TRPM7: variants seen among roughly 807,000 people sequenced by gnomAD.
The protein encoded by TRPM7 is LTRPC ion channel family member 7.
TRPM7 carries 134 observed loss-of-function variants against 229.7 expected under a neutral mutation model. The observed-to-expected ratio is 0.58, with a 90% CI of 0.51 to 0.67. The LOEUF is 0.67. TRPM7 is among the 30% of genes least tolerant of loss of function. The pLI, the probability that TRPM7 is intolerant of heterozygous loss-of-function variation, is 0.00. For synonymous variants in TRPM7, 699 were observed against 715.2 expected, an observed-to-expected ratio of 0.98 and a Z score of 0.36; for missense variants, 1,901 against 2,210.0, an observed-to-expected ratio of 0.86 and a Z score of 2.80.
At chr15:50,603,147 T>G (rs2059823631) in intron 21 of TRPM7, among the ~76,000 whole-genome samples, 1 of 152,128 alleles carries the variant, frequency 6.6e-6, no homozygotes, top group Non-Finnish European at 1.5e-5. Context: ...CCAGTTATTC[T>G]CAATTAAGGG....
At chr15:50,621,017 G>T (rs1195002975) in intron 12 of TRPM7, among the ~76,000 whole-genome samples, 1 of 151,954 alleles carries the variant, frequency 6.6e-6, no homozygotes, top group Non-Finnish European at 1.5e-5. Context: ...AAATTAGCCG[G>T]GCATGGTGGC....
At chr15:50,620,163 T>C (rs2060348162) in intron 12 of TRPM7, among the ~76,000 whole-genome samples, 1 of 152,216 alleles carries the variant, frequency 6.6e-6, no homozygotes, top group African/African-American at 2.4e-5. Context: ...ATTGAGACTT[T>C]AAATATTTTG....
intron 38 of TRPM7, among the ~76,000 whole-genome samples, chr15:50,567,320 CT>C (rs1201013442): frequency 1.3e-5 from 2 of 152,170 alleles, no homozygotes; most frequent in African/African-American, 4.8e-5. Flanking sequence ...AATGCTACCC[CT>C]GTCCCCTCCC....
chr15:50,618,612 T>TAAACAAAC (rs1384741437), intron 13 of TRPM7, among the ~76,000 whole-genome samples: 6 of 97,884 alleles, frequency 6.1e-5, no homozygotes, highest in African/African-American at 1.9e-4. Flanking sequence ...AATAAATAAA[T>TAAACAAAC]AAACGTATGT....
At chr15:50,602,687 T>C (rs1263396012) in intron 21 of TRPM7, among the ~76,000 whole-genome samples, 2 of 152,190 alleles carry the variant, frequency 1.3e-5, no homozygotes, top group Admixed American at 6.5e-5. Context: ...TTCATCTTTG[T>C]AGCCCCAGCT....
chr15:50,619,716 T>C (rs752309402), intron 13 of TRPM7, 29 bp downstream of exon 13: 2 of 1,536,484 alleles, frequency 1.3e-6, no homozygotes, highest in Non-Finnish European at 1.7e-6. Flanking sequence ...TAAAATAACA[T>C]TTTTCAAAAG....
chr15:50,639,413 A>C lies in TRPM7; in HGVS notation c.660+11T>G, dbSNP rs199829691. On this transcript the variant is annotated intron_variant, in intron 6 of 38. Coordinates refer to ENST00000646667, the MANE Select transcript of TRPM7 (RefSeq NM_017672.6). ...ATTTCAAACATAAGAAATTTTAAAA[A>C]TAATTCTTACATCTCTCCCAACAAG... is the stretch of plus-strand genomic sequence containing the variant. 9.3e-5 allele frequency: 145 copies of C among 1,560,916 alleles called. 1 individual carries two copies. Among genetic ancestry groups the C allele is most frequent in the African/African-American group, 2.7e-5 (2 of 73,424 alleles).
chr15:50,680,888 G>C (rs371154091), intron 1 of TRPM7, among the ~76,000 whole-genome samples: 2 of 152,220 alleles, frequency 1.3e-5, no homozygotes, highest in Non-Finnish European at 1.5e-5. Flanking sequence ...AGTGATTTTT[G>C]ATTCTCTGCT....
intron 15 of TRPM7, among the ~76,000 whole-genome samples, chr15:50,613,107 T>C (rs2060108728): frequency 6.6e-6 from 1 of 152,250 alleles, no homozygotes; most frequent in South Asian, 2.1e-4. Context: ...AAGGGTTAGA[T>C]AACATTTTTG....
chr15:50,604,801 A>T, intron 21 of TRPM7, 65 bp downstream of exon 21: 1 of 1,434,040 alleles, frequency 7.0e-7, no homozygotes, highest in Non-Finnish European at 9.4e-7. Context: ...TATGTTAATA[A>T]CATTTTTGTG....
chr15:50,625,309 A>G (rs1294961423), intron 11 of TRPM7, among the ~76,000 whole-genome samples: 1 of 152,198 alleles, frequency 6.6e-6, no homozygotes, highest in Non-Finnish European at 1.5e-5. Flanking sequence ...TCAGAGGTTT[A>G]ACACACAACT....
intron 21 of TRPM7, among the ~76,000 whole-genome samples, chr15:50,603,456 GC>G (rs962227964): frequency 7.5e-6 from 1 of 133,260 alleles, no homozygotes; most frequent in African/African-American, 2.9e-5. Context: ...CCCTCCCCCT[GC>G]CCCCCACCCC....
chr15:50,649,284 A>T (rs965865136), intron 3 of TRPM7, among the ~76,000 whole-genome samples: 6 of 152,094 alleles, frequency 3.9e-5, no homozygotes, highest in African/African-American at 7.2e-5. Context: ...AAAAAATTTT[A>T]AAAAATTAGG....
chr15:50,596,117 T>C (rs899341874), intron 23 of TRPM7, 138 bp downstream of exon 23: 38 of 459,228 alleles, frequency 8.3e-5, no homozygotes, highest in African/African-American at 7.8e-4. Flanking sequence ...CATCTCCTAT[T>C]TGTAATTTTT....
chr15:50,648,899 G>A lies in TRPM7; in HGVS notation c.123-14C>T, dbSNP rs759151105. 13 of 1,587,948 alleles carry A rather than the reference G, an allele frequency of 8.2e-6. No individual in the cohort carries two copies. The East Asian group carries it at 2.5e-4, about 30-fold the overall frequency. On this transcript the variant is annotated splice_polypyrimidine_tract_variant and intron_variant, in intron 3 of 38. Transcript: ENST00000646667. Reference sequence around the variant, plus strand: ...CCACAAAAACACCTAAAAGAAAAAGGTGAGATTAAAACACCCTTCAAAAAA... The same window carrying A: ...CCACAAAAACACCTAAAAGAAAAAGATGAGATTAAAACACCCTTCAAAAAA...
intron 21 of TRPM7, chr15:50,604,146 T>C (rs967039772): frequency 6.6e-6 from 1 of 152,110 alleles, no homozygotes; most frequent in Non-Finnish European, 1.5e-5. Context: ...TATAAAAAAA[T>C]TACACATTCA....
chr15:50,673,181 C>T (rs995831626), intron 1 of TRPM7, among the ~76,000 whole-genome samples: 1 of 152,174 alleles, frequency 6.6e-6, no homozygotes. Context: ...TCACCACTCA[C>T]TCACTGACTC....
intron 11 of TRPM7, among the ~76,000 whole-genome samples, chr15:50,625,380 C>T (rs891270690): frequency 3.9e-5 from 6 of 152,120 alleles, no homozygotes; most frequent in African/African-American, 1.2e-4. Flanking sequence ...CTTCGATTTA[C>T]ATCACCTAGC....
Position 50,663,045 on chromosome 15 carries a change from G to T in TRPM7, c.5C>A (p.Ser2Tyr). The change falls in exon 2 of 39, where the codon TCC becomes TAC. Residue 2 changes from serine (S) to tyrosine (Y), a missense_variant and splice_region_variant. By Grantham distance (144) the Ser-to-Tyr change is moderately radical. Transcript: ENST00000646667. ...AGTGCTTTCTATCCAGGATTTCTGGGACTAAAACAAAATGTTTTAAAGAAT... is the reference window on the plus strand; with the variant it reads ...AGTGCTTTCTATCCAGGATTTCTGGTACTAAAACAAAATGTTTTAAAGAAT... M[S>Y]QKSWIESTLT... is the part of the protein sequence containing the mutation. 1.2e-6 allele frequency: 2 copies of T among 1,610,582 alleles called. No homozygotes were observed. Among genetic ancestry groups the T allele is most frequent in the Non-Finnish European group, 1.7e-6 (2 of 1,177,540 alleles).
Sources: gnomAD v4.1 joint callset for allele counts (sites outside exome capture counted in the v4.1 genomes callset) on GRCh38, gnomAD v4.1.1 for gene constraint, MANE v1.5 for transcripts, NCBI Gene and HGNC (gene_info 2026-07-23, HGNC 2026-07-21) for gene names.